KLF7: variants seen among roughly 807,000 people sequenced by gnomAD.
The protein encoded by KLF7 is Krueppel-like factor 7.
In KLF7, 2 loss-of-function variants were observed where a neutral mutation model predicts 27.3. The ratio of observed to expected loss-of-function variants is 0.07; its 90% confidence interval spans 0.03 to 0.23. The LOEUF (loss-of-function observed/expected upper bound fraction) is 0.23, where lower values mean the gene tolerates loss of function less well. Ranked by LOEUF, KLF7 falls within the 10% of genes least tolerant of loss-of-function variation. The probability of loss-of-function intolerance (pLI) is 1.00; values close to 1 mark genes in which losing one functional copy is unlikely to be tolerated. For synonymous variants in KLF7, 165 were observed against 162.4 expected (o/e 1.02, Z -0.12); for missense variants, 221 against 394.1 (o/e 0.56, Z 3.72).
intron 3 of KLF7, among the ~76,000 whole-genome samples, chr2:207,082,998 A>G (rs6716545): frequency 6.6e-6 from 1 of 152,202 alleles, no homozygotes; most frequent in Non-Finnish European, 1.5e-5. Flanking sequence ...GAAAAGTACA[A>G]CTGAAAACAA....
chr2:207,160,458 C>T (rs1343255595), intron 1 of KLF7, among the ~76,000 whole-genome samples: 5 of 152,116 alleles, frequency 3.3e-5, no homozygotes, highest in African/African-American at 9.7e-5. Flanking sequence ...TGGGGTCCAG[C>T]AAAGATAATT....
chr2:207,172,675 T>C, the KLF7 span, among the ~76,000 whole-genome samples: 1 of 152,212 alleles, frequency 6.6e-6, no homozygotes, highest in African/African-American at 2.4e-5. Context: ...GGGTCTCTAT[T>C]AGTTTTTTGT....
At chr2:207,130,532 T>A (rs944886727) in intron 1 of KLF7, among the ~76,000 whole-genome samples, 1 of 152,212 alleles carries the variant, frequency 6.6e-6, no homozygotes, top group Non-Finnish European at 1.5e-5. Flanking sequence ...TGTCTAAGTG[T>A]TTGAAGTGAT....
intron 2 of KLF7, among the ~76,000 whole-genome samples, chr2:207,113,601 G>T (rs1175505431): frequency 1.0e-5 from 1 of 96,556 alleles, no homozygotes; most frequent in Admixed American, 9.7e-5. Flanking sequence ...AAAGTGGAAT[G>T]GGGGGTGGGG....
Position 207,078,478 on chromosome 2 carries a change from T to C in KLF7, c.*2735A>G, listed in dbSNP as rs2076213703. ...ACTCTTTTGCATTTTTTAAACTTTC[T>C]TTTTAATAGAGCCTTGCATTGGTCA... On this transcript the variant is annotated 3_prime_UTR_variant, in exon 4 of 4. Coordinates refer to ENST00000309446, the MANE Select transcript of KLF7 (RefSeq NM_003709.4). The C allele has an allele frequency of 1.3e-5, 2 of 152,262 alleles. No homozygotes were observed. The highest frequency in any genetic ancestry group is 6.5e-5 in the Admixed American group (1 of 15,286). The allele number at this position is 152,262 out of a possible 1,614,324, so 9.4% of individuals were successfully genotyped here.
intron 1 of KLF7, among the ~76,000 whole-genome samples, chr2:207,129,427 C>T (rs549777202): frequency 7.2e-5 from 11 of 152,260 alleles, no homozygotes; most frequent in African/African-American, 2.4e-4. Context: ...AAAATATTCC[C>T]GAGTGCAAAG....
At chr2:207,173,478 A>G in the KLF7 span, among the ~76,000 whole-genome samples, 2 of 152,060 alleles carry the variant, frequency 1.3e-5, no homozygotes, top group Non-Finnish European at 2.9e-5. Flanking sequence ...AGACACTAAC[A>G]TATTGAGATT....
At chr2:207,124,894 T>G (rs1398748679) in intron 1 of KLF7, among the ~76,000 whole-genome samples, 1 of 152,196 alleles carries the variant, frequency 6.6e-6, no homozygotes, top group Admixed American at 6.5e-5. Context: ...ACAAGCCATG[T>G]TCACTCAAAC....
intron 2 of KLF7, among the ~76,000 whole-genome samples, chr2:207,098,636 T>TTATTAG: frequency 6.6e-6 from 1 of 151,618 alleles, no homozygotes; most frequent in Non-Finnish European, 1.5e-5. Context: ...ATTATTATTA[T>TTATTAG]TTTCCTTAGA....
intron 2 of KLF7, chr2:207,121,553 G>A (rs2077341205): frequency 6.6e-6 from 1 of 152,204 alleles, no homozygotes; most frequent in Non-Finnish European, 1.5e-5. Flanking sequence ...ACAGTGCGAG[G>A]ACATAAACCC....
chr2:207,094,105 T>C (rs1043310822), intron 2 of KLF7, among the ~76,000 whole-genome samples: 5 of 152,244 alleles, frequency 3.3e-5, no homozygotes, highest in African/African-American at 1.2e-4. Flanking sequence ...TGAGACAGCA[T>C]AAGTGATATG....
At chr2:207,140,188 GTTTT>G (rs960624700) in intron 1 of KLF7, among the ~76,000 whole-genome samples, 3 of 151,952 alleles carry the variant, frequency 2.0e-5, no homozygotes, top group Admixed American at 1.3e-4. Context: ...GGCCTGGCCT[GTTTT>G]TTTAAGATTT....
At chr2:207,161,516 G>C (rs1433012099) in intron 1 of KLF7, among the ~76,000 whole-genome samples, 1 of 152,200 alleles carries the variant, frequency 6.6e-6, no homozygotes, top group South Asian at 2.1e-4. Flanking sequence ...CCTACAGTTT[G>C]CTTTGTTTTC....
chr2:207,114,679 A>G (rs1388796647), intron 2 of KLF7, among the ~76,000 whole-genome samples: 1 of 152,170 alleles, frequency 6.6e-6, no homozygotes, highest in African/African-American at 2.4e-5. Flanking sequence ...AGAGCAAACT[A>G]TAGTCCTTAT....
chr2:207,134,061 A>G (rs2106028741), intron 1 of KLF7: 1 of 1,530,582 alleles, frequency 6.5e-7, no homozygotes, highest in Non-Finnish European at 8.7e-7. Flanking sequence ...GCCCCTTTAC[A>G]CTCACTGGCC....
Position 207,076,667 on chromosome 2 carries a change from A to G in KLF7, c.*4546T>C, listed in dbSNP as rs1372110489. On this transcript the variant is annotated 3_prime_UTR_variant, in exon 4 of 4. Coordinates refer to ENST00000309446, the MANE Select transcript of KLF7 (RefSeq NM_003709.4). ...TGTTGTTCCATCTCAAGTATTCCCA[A>G]AGATCCTCACTGAGGAAAGTAGGCC... 1 of 152,144 alleles carries G rather than the reference A, an allele frequency of 6.6e-6. No individual in the cohort carries two copies. The highest frequency in any genetic ancestry group is 1.5e-5 in the Non-Finnish European group (1 of 68,026). 9.4% of individuals were successfully genotyped at this position (152,144 alleles called of 1,614,324 possible).
chr2:207,170,655 G>A (rs746076627), upstream of KLF7, among the ~76,000 whole-genome samples: 1 of 151,934 alleles, frequency 6.6e-6, no homozygotes, highest in South Asian at 2.1e-4. Flanking sequence ...AAAGTTGTAG[G>A]GCCCTTAAGA....
At position 207,076,519 on chromosome 2, in the gene KLF7, A is replaced by G. The variant is rs1020518700; in HGVS notation, c.*4694T>C. On this transcript the variant is annotated 3_prime_UTR_variant, in exon 4 of 4. Transcript: ENST00000309446. ...TTTATTTTTCCCTTTTCTGGGATCT[A>G]TTAGGAACCAACAGAGGAGATTTAA... 2.0e-5 allele frequency: 3 copies of G among 152,194 alleles called. No homozygotes were observed. Among genetic ancestry groups the G allele is most frequent in the Non-Finnish European group, 4.4e-5 (3 of 68,022 alleles). The allele number at this position is 152,194 out of a possible 1,614,324, so 9.4% of individuals were successfully genotyped here.
intron 2 of KLF7, among the ~76,000 whole-genome samples, chr2:207,094,010 A>G (rs2076569532): frequency 6.6e-6 from 1 of 152,226 alleles, no homozygotes; most frequent in African/African-American, 2.4e-5. Flanking sequence ...ATAGGAACCT[A>G]TCCTCCTGAG....
Sources: allele counts gnomAD v4.1 joint callset (sites outside exome capture counted in the v4.1 genomes callset), GRCh38; gene constraint gnomAD v4.1.1; transcripts MANE v1.5; gene names NCBI Gene and HGNC (gene_info 2026-07-23, HGNC 2026-07-21).